ARHGEF38: variants seen among roughly 807,000 people sequenced by gnomAD.
The protein encoded by ARHGEF38 is Rho guanine nucleotide exchange factor (GEF) 38.
Under a neutral mutation model 79.9 loss-of-function variants are expected in ARHGEF38, and 79 were observed. The ratio of observed to expected loss-of-function variants is 0.99; its 90% CI spans 0.82 to 1.19. The LOEUF is 1.19. ARHGEF38 is among the 50% of genes most tolerant of loss of function. ARHGEF38 has a pLI of 0.00. For missense variants in ARHGEF38, 962 were observed against 907.2 expected, an observed-to-expected ratio of 1.06 and a Z score of -0.78; for synonymous variants, 366 against 328.3, an observed-to-expected ratio of 1.11 and a Z score of -1.24.
rs1731230483 is a variant in ARHGEF38, at chr4:105,679,377, G to A, written c.*1440G>A. The A allele has an allele frequency of 1.6e-6, 2 of 1,288,778 alleles. No individual in the cohort carries two copies. Among genetic ancestry groups the A allele is most frequent in the East Asian group, 4.6e-5 (2 of 43,326 alleles). 79.8% of individuals were successfully genotyped at this position (1,288,778 alleles called of 1,614,324 possible). ...ATTTCCTTTCAGGAGGCACACTCTG[G>A]TAATCTGAGACACTGCATTACTATT... On this transcript the variant is annotated 3_prime_UTR_variant, in exon 14 of 14. Coordinates refer to ENST00000420470, the MANE Select transcript of ARHGEF38 (RefSeq NM_001242729.2).
intron 1 of ARHGEF38, among the ~76,000 whole-genome samples, chr4:105,573,539 T>C (rs950085779): frequency 1.3e-5 from 2 of 152,172 alleles, no homozygotes; most frequent in Non-Finnish European, 2.9e-5. Flanking sequence ...TTTGACCATA[T>C]ATGCAAGGAT....
chr4:105,672,018 G>T (rs1216181324), intron 13 of ARHGEF38, among the ~76,000 whole-genome samples: 1 of 152,086 alleles, frequency 6.6e-6, no homozygotes, highest in Non-Finnish European at 1.5e-5. Context: ...CTCATACTCA[G>T]GGGGTATCTT....
chr4:105,673,051 C>T (rs968108571), intron 13 of ARHGEF38, among the ~76,000 whole-genome samples: 7 of 152,136 alleles, frequency 4.6e-5, no homozygotes, highest in African/African-American at 1.7e-4. Flanking sequence ...CAGGATAATC[C>T]CTCTTTTGAC....
At chr4:105,597,463 C>T (rs188167406) in intron 2 of ARHGEF38, among the ~76,000 whole-genome samples, 1 of 152,266 alleles carries the variant, frequency 6.6e-6, no homozygotes, top group Non-Finnish European at 1.5e-5. Context: ...AATTCTCTCT[C>T]TCTTTCTTTT....
chr4:105,679,174 G>T lies in ARHGEF38; in HGVS notation c.*1237G>T. ...ACTCTCTCTACCTGACCAATTGCCAGATCGACAACCTGACTGGCCTGACCA... is the reference window on the plus strand; with the variant it reads ...ACTCTCTCTACCTGACCAATTGCCATATCGACAACCTGACTGGCCTGACCA... On this transcript the variant is annotated 3_prime_UTR_variant, in exon 14 of 14. Transcript: ENST00000420470. 1 of 610,674 alleles carries T rather than the reference G, an allele frequency of 1.6e-6. No homozygotes were observed. Among genetic ancestry groups the T allele is most frequent in the Non-Finnish European group, 2.9e-6 (1 of 344,490 alleles). 37.8% of individuals were successfully genotyped at this position (610,674 alleles called of 1,614,324 possible). A position where few individuals can be genotyped will look rare whatever the true frequency, so the allele number is the denominator to read the frequency against.
chr4:105,606,747 TGTTAAG>T (rs1728058161), intron 2 of ARHGEF38, among the ~76,000 whole-genome samples: 1 of 152,088 alleles, frequency 6.6e-6, no homozygotes, highest in Admixed American at 6.6e-5. Context: ...CATGTTATGT[TGTTAAG>T]GCAAAAAAAA....
intron 4 of ARHGEF38, among the ~76,000 whole-genome samples, chr4:105,634,982 A>G (rs1258145758): frequency 1.3e-5 from 2 of 152,128 alleles, no homozygotes; most frequent in Admixed American, 1.3e-4. Flanking sequence ...ATTCTAATGG[A>G]GTGTTCCAAG....
intron 7 of ARHGEF38, among the ~76,000 whole-genome samples, chr4:105,651,269 T>C (rs887594596): frequency 6.6e-6 from 1 of 152,250 alleles, no homozygotes; most frequent in African/African-American, 2.4e-5. Flanking sequence ...CATTTTACTG[T>C]TAATCAGAAA....
At chr4:105,569,421 A>T (rs1407173577) in intron 1 of ARHGEF38, among the ~76,000 whole-genome samples, 1 of 152,146 alleles carries the variant, frequency 6.6e-6, no homozygotes, top group Non-Finnish European at 1.5e-5. Flanking sequence ...TTCCTGATAG[A>T]TGGTCAATCT....
intron 10 of ARHGEF38, among the ~76,000 whole-genome samples, chr4:105,664,256 A>G (rs993324920): frequency 6.6e-6 from 1 of 152,204 alleles, no homozygotes; most frequent in Non-Finnish European, 1.5e-5. Context: ...ACATACACAT[A>G]AAGATTCAAG....
chr4:105,564,434 G>A (rs972983450), intron 1 of ARHGEF38, among the ~76,000 whole-genome samples: 1 of 151,984 alleles, frequency 6.6e-6, no homozygotes, highest in Non-Finnish European at 1.5e-5. Context: ...CTACTTATAT[G>A]AGAGTAGTCA....
At chr4:105,661,739 A>G (rs916046004) in intron 10 of ARHGEF38, among the ~76,000 whole-genome samples, 1 of 152,052 alleles carries the variant, frequency 6.6e-6, no homozygotes, top group Non-Finnish European at 1.5e-5. Context: ...CCCCATAAAG[A>G]TCACTCATGA....
chr4:105,663,984 A>C (rs1260023101), intron 10 of ARHGEF38, among the ~76,000 whole-genome samples: 2 of 147,204 alleles, frequency 1.4e-5, no homozygotes, highest in African/African-American at 2.6e-5. Context: ...AAAAAAAAAA[A>C]CAAACAAAAC....
chr4:105,658,683 C>A (rs942276674), intron 9 of ARHGEF38, among the ~76,000 whole-genome samples: 3 of 152,088 alleles, frequency 2.0e-5, no homozygotes, highest in African/African-American at 7.2e-5. Flanking sequence ...AGATTCCCCC[C>A]TACCCTCAAG....
At position 105,668,564 on chromosome 4, in the gene ARHGEF38, C is replaced by A. The variant is rs970895925; in HGVS notation, c.2148+861C>A. Among the ~76,000 whole-genome samples the A allele has an allele frequency of 3.3e-5, 5 of 151,958 alleles. No individual in the cohort carries two copies. In the East Asian group the frequency reaches 9.6e-4, roughly 29 times the overall value. On this transcript the variant is annotated intron_variant, in intron 13 of 13. Coordinates refer to ENST00000420470, the MANE Select transcript of ARHGEF38 (RefSeq NM_001242729.2). ...TAATGGTTCATTCCCCAGTGGTGAC[C>A]ATCTAATTCCTTTATTTATTTACCT... is the stretch of plus-strand genomic sequence containing the variant.
chr4:105,639,407 T>C (rs1459577758), intron 5 of ARHGEF38, among the ~76,000 whole-genome samples: 1 of 151,992 alleles, frequency 6.6e-6, no homozygotes, highest in Non-Finnish European at 1.5e-5. Flanking sequence ...ATAGACATCA[T>C]TTTTTTCTAC....
rs1728388888 is a variant in ARHGEF38, at chr4:105,613,512, GT to G, written c.508+8del. The G allele has an allele frequency of 6.2e-7, 1 of 1,611,782 alleles. No individual in the cohort carries two copies. Among genetic ancestry groups the G allele is most frequent in the Non-Finnish European group, 8.5e-7 (1 of 1,178,752 alleles). ...AACCGGCCATGCAAGTAATTGGTAT[GT>G]TTATTCTCTTCTCGAGTTCTACAAT... On this transcript the variant is annotated splice_donor_region_variant and intron_variant, in intron 3 of 13. Coordinates refer to ENST00000420470, the MANE Select transcript of ARHGEF38 (RefSeq NM_001242729.2).
At chr4:105,672,992 G>A (rs1482105569) in intron 13 of ARHGEF38, among the ~76,000 whole-genome samples, 1 of 152,032 alleles carries the variant, frequency 6.6e-6, no homozygotes, top group Non-Finnish European at 1.5e-5. Flanking sequence ...CCCTTCAGAG[G>A]AGGCCTGAAT....
chr4:105,665,241 T>C (rs1264934361), intron 10 of ARHGEF38, among the ~76,000 whole-genome samples: 2 of 152,084 alleles, frequency 1.3e-5, no homozygotes, highest in Non-Finnish European at 2.9e-5. Flanking sequence ...ATGCCTGTGA[T>C]CCCAGCACTT....
Sources: gnomAD v4.1 joint callset for allele counts (sites outside exome capture counted in the v4.1 genomes callset) on GRCh38, gnomAD v4.1.1 for gene constraint, MANE v1.5 for transcripts, NCBI Gene and HGNC (gene_info 2026-07-23, HGNC 2026-07-21) for gene names.